NTNG2: variants seen among roughly 807,000 people sequenced by gnomAD.
NTNG2 encodes the protein netrin-G2.
A neutral mutation model predicts 47.6 loss-of-function variants in NTNG2; 15 were observed. The observed-to-expected ratio is 0.32, with a 90% CI of 0.21 to 0.49. The LOEUF is 0.49. Among genes scored for constraint, NTNG2 ranks in the 20% least tolerant of loss-of-function variants. The pLI, the probability that NTNG2 is intolerant of heterozygous loss-of-function variation, is 0.99. For missense variants in NTNG2, 578 were observed against 764.6 expected, an observed-to-expected ratio of 0.76 and a Z score of 2.88; for synonymous variants, 307 against 324.6, an observed-to-expected ratio of 0.95 and a Z score of 0.58.
At chr9:132,237,382 C>T (rs549592963) in intron 5 of NTNG2, among the ~76,000 whole-genome samples, 15 of 152,200 alleles carry the variant, frequency 9.9e-5, no homozygotes, top group Non-Finnish European at 2.1e-4. Context: ...GGCAGTGGGA[C>T]CATGACAGAC....
chr9:132,238,817 C>T, intron 5 of NTNG2: 1 of 485,196 alleles, frequency 2.1e-6, no homozygotes, highest in South Asian at 2.1e-5. Context: ...CCCAGCCAGG[C>T]ATTAGCAGGA....
intron 5 of NTNG2, among the ~76,000 whole-genome samples, chr9:132,235,708 C>A (rs762343357): frequency 4.6e-5 from 7 of 152,172 alleles, no homozygotes; most frequent in Non-Finnish European, 8.8e-5. Flanking sequence ...CAGGTGGCCT[C>A]CCGTGCAGAA....
chr9:132,204,144 G>A (rs1838989223), intron 3 of NTNG2, among the ~76,000 whole-genome samples: 1 of 152,208 alleles, frequency 6.6e-6, no homozygotes, highest in Non-Finnish European at 1.5e-5. Flanking sequence ...GCAGGCTGAA[G>A]TCCTTGAGCG....
At chr9:132,203,458 T>C (rs1430297614) in intron 3 of NTNG2, among the ~76,000 whole-genome samples, 1 of 151,754 alleles carries the variant, frequency 6.6e-6, no homozygotes, top group Non-Finnish European at 1.5e-5. Flanking sequence ...TGGGGAGAAA[T>C]GGAGACAGCA....
chr9:132,184,864 G>A (rs960261539), intron 2 of NTNG2, among the ~76,000 whole-genome samples: 1 of 152,244 alleles, frequency 6.6e-6, no homozygotes, highest in African/African-American at 2.4e-5. Context: ...CGAGGTTGCA[G>A]TGAGCCAAGA....
Position 132,211,458 on chromosome 9 carries a change from A to G in NTNG2, c.857+12849A>G, listed in dbSNP as rs12236201. Among the ~76,000 whole-genome samples, 9 of 152,176 alleles carry G rather than the reference A, an allele frequency of 5.9e-5. No homozygotes were observed. In the East Asian group the frequency reaches 1.7e-3, roughly 29 times the overall value. Reference sequence around the variant, plus strand: ...TGCACAATATCTCTAGTGGTCTTCTACTGACCTTAGACTCAAGTCTGTGCT... The same window carrying G: ...TGCACAATATCTCTAGTGGTCTTCTGCTGACCTTAGACTCAAGTCTGTGCT... On this transcript the variant is annotated intron_variant, in intron 3 of 7. Coordinates refer to ENST00000393229, the MANE Select transcript of NTNG2 (RefSeq NM_032536.4).
rs552898133 is a variant in NTNG2, at chr9:132,236,465, G to A, written c.1055-2639G>A. The stretch of plus-strand genomic sequence containing the variant: ...CACCAAGCCTGGGTGGGGAATTAGG[G>A]CCTGAGGTCTAGGGAACAGGTGAGC... On this transcript the variant is annotated intron_variant, in intron 5 of 7. Coordinates refer to ENST00000393229, the MANE Select transcript of NTNG2 (RefSeq NM_032536.4). This position sits in a 1 kb window ranked among gnomAD's most constrained non-coding sequence, Gnocchi z 4.3. Among the ~76,000 whole-genome samples, 437 of 152,318 alleles carry A rather than the reference G, an allele frequency of 2.9e-3. 1 individual carries two copies. Among genetic ancestry groups the A allele is most frequent in the East Asian group, 4.4e-3 (23 of 5,178 alleles).
Position 132,218,264 on chromosome 9 carries a change from G to A in NTNG2, c.858-8585G>A, listed in dbSNP as rs896721187. 6.6e-6 allele frequency among the ~76,000 whole-genome samples: 1 copy of A among 152,200 alleles called. No homozygotes were observed. Among genetic ancestry groups the A allele is most frequent in the Admixed American group, 6.5e-5 (1 of 15,280 alleles). ...GTCCTGCGTCTGCCCCTTACCAGCT[G>A]TGGAACCTCAGGCAGCTCACTTCAC... On this transcript the variant is annotated intron_variant, in intron 3 of 7. Coordinates refer to ENST00000393229, the MANE Select transcript of NTNG2 (RefSeq NM_032536.4). The surrounding 1 kb of genome is among the most constrained non-coding windows in gnomAD (Gnocchi z 5.4).
intron 2 of NTNG2, among the ~76,000 whole-genome samples, chr9:132,190,593 T>C (rs1837808828): frequency 6.6e-6 from 1 of 152,236 alleles, no homozygotes. Flanking sequence ...TTTACCTCCA[T>C]TCTTGCTAAC....
At chr9:132,211,366 C>T (rs1839575768) in intron 3 of NTNG2, among the ~76,000 whole-genome samples, 2 of 152,288 alleles carry the variant, frequency 1.3e-5, no homozygotes, top group Middle Eastern at 3.4e-3. Flanking sequence ...GACTGGCCTC[C>T]CTCCCTCCCT....
At chr9:132,183,330 CCCTT>C (rs745881364) in intron 2 of NTNG2, among the ~76,000 whole-genome samples, 1 of 152,200 alleles carries the variant, frequency 6.6e-6, no homozygotes, top group Non-Finnish European at 1.5e-5. Context: ...CTCCTGGCCT[CCCTT>C]TGGCCTTCTC....
rs2769648 is a variant in NTNG2 at position 132,231,569 on chromosome 9, G to A, written c.1054+974G>A. ...AGGGACGCTGGTCTGCACAGCCGTC[G>A]TAAGTTGCTTCTCTGTGGTGTCCCC... On this transcript the variant is annotated intron_variant, in intron 5 of 7. Transcript: ENST00000393229. The surrounding 1 kb of genome is among the most constrained non-coding windows in gnomAD (Gnocchi z 4.1). 1,164 of 320,874 alleles carry A rather than the reference G, an allele frequency of 3.6e-3. 8 individuals are homozygous for A. The highest frequency in any genetic ancestry group is 4.8e-3 in the Non-Finnish European group (783 of 162,334). The allele number at this position is 320,874 out of a possible 1,614,324, so 19.9% of individuals were successfully genotyped here.
chr9:132,238,812 C>G (rs987709539), intron 5 of NTNG2, among the ~76,000 whole-genome samples: 4 of 152,250 alleles, frequency 2.6e-5, no homozygotes, highest in African/African-American at 9.6e-5. Context: ...TGGTGCCCAG[C>G]CAGGCATTAG....
In NTNG2 at chr9:132,231,810, A is replaced by C; in HGVS notation, c.1054+1215A>C. ...CACAGGTGGGTGCCAGGGTACAGCG[A>C]CCCCTGTCATCCCACCCTCTCCTGC... On this transcript the variant is annotated intron_variant, in intron 5 of 7. Coordinates refer to ENST00000393229, the MANE Select transcript of NTNG2 (RefSeq NM_032536.4). The surrounding 1 kb of genome is among the most constrained non-coding windows in gnomAD (Gnocchi z 4.1). The C allele has an allele frequency of 1.3e-5, 2 of 159,656 alleles. No individual in the cohort carries two copies. Among genetic ancestry groups the C allele is most frequent in the Non-Finnish European group, 2.8e-5 (2 of 71,950 alleles). The allele number at this position is 159,656 out of a possible 1,614,324, so 9.9% of individuals were successfully genotyped here.
At chr9:132,212,973 T>C (rs974013683) in intron 3 of NTNG2, among the ~76,000 whole-genome samples, 1 of 152,092 alleles carries the variant, frequency 6.6e-6, no homozygotes, top group Non-Finnish European at 1.5e-5. Context: ...CAGTGTTTCA[T>C]GACGTCTTGA....
intron 3 of NTNG2, among the ~76,000 whole-genome samples, chr9:132,223,749 A>G (rs528971748): frequency 6.6e-6 from 1 of 152,310 alleles, no homozygotes; most frequent in East Asian, 1.9e-4. Flanking sequence ...CTCTATTCGC[A>G]GGATCTCACT....
chr9:132,198,082 C>T lies in NTNG2; in HGVS notation c.330C>T (p.Ile110=). 1 of 1,613,802 alleles carries T rather than the reference C, an allele frequency of 6.2e-7. No individual in the cohort carries two copies. The highest frequency in any genetic ancestry group is 8.5e-7 in the Non-Finnish European group (1 of 1,179,976). Residue 110 remains isoleucine (I), a synonymous_variant, in exon 3 of 8, where the codon ATC becomes ATT. Coordinates refer to ENST00000393229, the MANE Select transcript of NTNG2 (RefSeq NM_032536.4). ...EEGLATYWQS[I]TWSRYPSPLE... ...GCCTGGCCACCTACTGGCAGAGCAT[C>T]ACCTGGAGCCGCTACCCCAGCCCGC...
intron 2 of NTNG2, among the ~76,000 whole-genome samples, chr9:132,190,467 C>T (rs1299707012): frequency 1.3e-5 from 2 of 152,110 alleles, no homozygotes; most frequent in Non-Finnish European, 2.9e-5. Context: ...AGGCCAGCTG[C>T]ATGACGTTGT....
rs977728087 is a variant in NTNG2 at position 132,163,576 on chromosome 9, C to A, written c.-484+1337C>A. 7.9e-4 allele frequency among the ~76,000 whole-genome samples: 120 copies of A among 152,292 alleles called. No homozygotes were observed. Among genetic ancestry groups the A allele is most frequent in the African/African-American group, 2.8e-3 (117 of 41,576 alleles). ...TCTCCCCTGAAAGCAGATTTCACCC[C>A]CCTCTGCCGCCCCTGCCGAGGAGGG... On this transcript the variant is annotated intron_variant, in intron 1 of 7. Coordinates refer to ENST00000393229, the MANE Select transcript of NTNG2 (RefSeq NM_032536.4). This position sits in a 1 kb window ranked among gnomAD's most constrained non-coding sequence, Gnocchi z 7.2.
Sources: gnomAD v4.1 joint callset for allele counts (sites outside exome capture counted in the v4.1 genomes callset) on GRCh38, gnomAD v4.1.1 for gene constraint, Gnocchi (gnomAD v3.1) non-coding constraint, MANE v1.5 for transcripts, NCBI Gene and HGNC (gene_info 2026-07-23, HGNC 2026-07-21) for gene names.